Variants in TMEM181 observed in about 807,000 individuals in gnomAD.
The protein encoded by TMEM181 is G protein-coupled receptor 178.
A neutral mutation model predicts 71.9 loss-of-function variants in TMEM181; 39 were observed. The observed-to-expected ratio is 0.54, with a 90% CI of 0.42 to 0.71. TMEM181 has a LOEUF of 0.71. TMEM181 is among the 30% of genes least tolerant of loss of function. The probability of loss-of-function intolerance (pLI) is 0.00; values close to 1 mark genes in which losing one functional copy is unlikely to be tolerated. For missense variants in TMEM181, 595 were observed against 583.0 expected, an observed-to-expected ratio of 1.02 and a Z score of -0.21; for synonymous variants, 245 against 228.8, an observed-to-expected ratio of 1.07 and a Z score of -0.64.
At chr6:158,624,556 A>G (rs1392134854) in intron 11 of TMEM181, among the ~76,000 whole-genome samples, 1 of 152,248 alleles carries the variant, frequency 6.6e-6, no homozygotes, top group African/African-American at 2.4e-5. Context: ...CCATCTTCAG[A>G]AAAGGGCTTT....
At chr6:158,602,678 A>G (rs1000919646) in intron 6 of TMEM181, among the ~76,000 whole-genome samples, 3 of 151,882 alleles carry the variant, frequency 2.0e-5, no homozygotes, top group Admixed American at 2.0e-4. Context: ...TGAGATGATC[A>G]TGGCTCACTG....
intron 5 of TMEM181, among the ~76,000 whole-genome samples, chr6:158,586,121 C>G (rs1298798667): frequency 6.6e-6 from 1 of 152,202 alleles, no homozygotes; most frequent in Admixed American, 6.5e-5. Flanking sequence ...TGAGCATCTA[C>G]TTCAGAGCAC....
At chr6:158,621,127 C>T (rs750011297) in intron 10 of TMEM181, among the ~76,000 whole-genome samples, 1 of 152,108 alleles carries the variant, frequency 6.6e-6, no homozygotes. Context: ...TCTTGGTGCA[C>T]CTAAAGGGAA....
At chr6:158,569,284 C>T (rs1306380276) in intron 1 of TMEM181, among the ~76,000 whole-genome samples, 1 of 152,234 alleles carries the variant, frequency 6.6e-6, no homozygotes, top group Non-Finnish European at 1.5e-5. Context: ...ACCCTAGGCC[C>T]TCCAGTGAGG....
At chr6:158,557,111 C>T (rs1247369492), upstream of TMEM181, among the ~76,000 whole-genome samples, 1 of 152,068 alleles carries the variant, frequency 6.6e-6, no homozygotes, top group African/African-American at 2.4e-5. Flanking sequence ...AGGCGGTGCA[C>T]CTCCTAGGAT....
intron 1 of TMEM181, among the ~76,000 whole-genome samples, chr6:158,572,105 T>TG (rs1782885087): frequency 6.6e-6 from 1 of 152,224 alleles, no homozygotes; most frequent in East Asian, 1.9e-4. Context: ...CAGGCCCTGC[T>TG]GGGGGCAGCG....
At chr6:158,584,347 C>T (rs191716540) in intron 4 of TMEM181, among the ~76,000 whole-genome samples, 8 of 152,302 alleles carry the variant, frequency 5.3e-5, no homozygotes, top group Non-Finnish European at 1.2e-4. Flanking sequence ...AGACCTGATG[C>T]CCTAAAATAA....
intron 13 of TMEM181, among the ~76,000 whole-genome samples, chr6:158,626,956 A>ACACC (rs1554230558): frequency 1.1e-5 from 1 of 94,454 alleles, no homozygotes; most frequent in Non-Finnish European, 2.3e-5. Context: ...CCTCACCCTC[A>ACACC]CTCACACCCT....
chr6:158,573,544 A>G, intron 2 of TMEM181, 21 bp downstream of exon 2: 3 of 1,581,396 alleles, frequency 1.9e-6, no homozygotes, highest in Non-Finnish European at 1.7e-6. Flanking sequence ...GTTTTTACTC[A>G]TTGAATCTTT....
At chr6:158,631,781 G>C in intron 16 of TMEM181, 29 bp from the exon 17 acceptor site, 1 of 1,576,110 alleles carries the variant, frequency 6.3e-7, no homozygotes, top group Non-Finnish European at 8.6e-7. Flanking sequence ...TCAGAAGTTA[G>C]ACGGTCTCAA....
At chr6:158,626,223 G>T (rs1250506370) in intron 13 of TMEM181, among the ~76,000 whole-genome samples, 1 of 152,200 alleles carries the variant, frequency 6.6e-6, no homozygotes, top group South Asian at 2.1e-4. Flanking sequence ...GTCAGCCTGA[G>T]GTCTCCCAGG....
chr6:158,566,085 T>C (rs1782474980), intron 1 of TMEM181, among the ~76,000 whole-genome samples: 1 of 152,198 alleles, frequency 6.6e-6, no homozygotes, highest in Non-Finnish European at 1.5e-5. Flanking sequence ...TGAATCTAAA[T>C]AGATTCTTCC....
chr6:158,536,825 A>G, exon 1 of TMEM181: 1 of 1,551,584 alleles, frequency 6.4e-7, no homozygotes, highest in Non-Finnish European at 8.7e-7. Flanking sequence ...CCGCGAGCTC[A>G]AGGAGGACCT....
chr6:158,630,304 T>G (rs1475356866), intron 15 of TMEM181, among the ~76,000 whole-genome samples: 1 of 152,112 alleles, frequency 6.6e-6, no homozygotes, highest in Non-Finnish European at 1.5e-5. Flanking sequence ...GAAACCAGCC[T>G]GGGGAACAAA....
intron 1 of TMEM181, among the ~76,000 whole-genome samples, chr6:158,567,947 C>T (rs1347227290): frequency 2.6e-5 from 4 of 151,962 alleles, no homozygotes; most frequent in African/African-American, 4.8e-5. Context: ...GAGTTGGCTG[C>T]GGGGCACTGT....
intron 9 of TMEM181, 56 bp from the exon 10 acceptor site, chr6:158,608,603 G>T: frequency 6.3e-7 from 1 of 1,596,812 alleles, no homozygotes; most frequent in African/African-American, 1.4e-5. Flanking sequence ...ATCACGTTAT[G>T]TACAATTACC....
rs578257289 is a variant in TMEM181, at chr6:158,545,092, G to A, written c.131+8227G>A. 7.9e-5 allele frequency among the ~76,000 whole-genome samples: 12 copies of A among 152,352 alleles called. No individual in the cohort carries two copies. The South Asian group carries it at 1.9e-3, about 24-fold the overall frequency. ...CGCTCAGGGGCCAGGCAGCTCTCCA[G>A]GCCCCGTTCCCCTGCGGCTTGCTCA... is the stretch of plus-strand genomic sequence containing the variant. On this transcript the variant is annotated intron_variant, in intron 1 of 16. Transcript: ENST00000367090.
intron 1 of TMEM181, among the ~76,000 whole-genome samples, chr6:158,540,349 C>T (rs1306963409): frequency 6.6e-6 from 1 of 152,208 alleles, no homozygotes; most frequent in Non-Finnish European, 1.5e-5. Flanking sequence ...TTCCTCAGGC[C>T]CAGCATTTGC....
chr6:158,543,198 C>T lies in TMEM181; in HGVS notation c.131+6333C>T, dbSNP rs115847629. Among the ~76,000 whole-genome samples the T allele has an allele frequency of 3.4e-3, 522 of 152,172 alleles. 4 individuals carry two copies. The highest frequency in any genetic ancestry group is 0.012 in the African/African-American group (486 of 41,526). ...CCTCAGAGTATGTTTATTTAAGCCA[C>T]GTCTCGCTCTGAATTGAGAGGAAAA... On this transcript the variant is annotated intron_variant, in intron 1 of 16. Transcript: ENST00000367090.
Sources: allele counts gnomAD v4.1 joint callset (sites outside exome capture counted in the v4.1 genomes callset), GRCh38; gene constraint gnomAD v4.1.1; transcripts MANE v1.5; gene names NCBI Gene and HGNC (gene_info 2026-07-23, HGNC 2026-07-21).